Variants in HMGXB4 observed in about 807,000 individuals in gnomAD.
HMGXB4 encodes the protein HMG domain-containing protein 4.
Under a neutral mutation model 63.9 loss-of-function variants are expected in HMGXB4, and 27 were observed. That is an observed-to-expected ratio of 0.42 (90% CI 0.31 to 0.58). The LOEUF is 0.58. Among genes scored for constraint, HMGXB4 ranks in the 20% least tolerant of loss-of-function variants. The pLI, the probability that HMGXB4 is intolerant of heterozygous loss-of-function variation, is 0.13. For missense variants in HMGXB4, 624 were observed against 700.7 expected (o/e 0.89, Z 1.24); for synonymous variants, 264 against 265.3 (o/e 0.99, Z 0.05).
intron 7 of HMGXB4, among the ~76,000 whole-genome samples, chr22:35,286,726 C>T (rs569790883): frequency 1.1e-3 from 160 of 151,772 alleles, no homozygotes; most frequent in Non-Finnish European, 1.9e-3. Context: ...GGCGCATGCC[C>T]GTAATCCCAG....
intron 1 of HMGXB4, among the ~76,000 whole-genome samples, chr22:35,259,484 C>A (rs1601622048): frequency 6.6e-6 from 1 of 152,172 alleles, no homozygotes; most frequent in East Asian, 1.9e-4. Context: ...CTACTCTCTA[C>A]CCCTGAACTC....
At position 35,260,116 on chromosome 22, in the gene HMGXB4, G is replaced by C. The variant is rs146025280; in HGVS notation, c.-68-2207G>C. ...TTTGATGTTACCAAAGGGAAGGCCT[G>C]TTATAAGTCTCAGGACCAGCCTTTG... is the stretch of plus-strand genomic sequence containing the variant. On this transcript the variant is annotated intron_variant, in intron 1 of 10. Transcript: ENST00000216106. 3.2e-3 allele frequency among the ~76,000 whole-genome samples: 494 copies of C among 152,324 alleles called. 5 individuals are homozygous for C. Among genetic ancestry groups the C allele is most frequent in the African/African-American group, 0.011 (477 of 41,564 alleles).
chr22:35,292,836 A>G (rs928253827), intron 9 of HMGXB4, among the ~76,000 whole-genome samples, 156 bp from the exon 10 acceptor site: 8 of 152,272 alleles, frequency 5.3e-5, no homozygotes, highest in African/African-American at 1.9e-4. Flanking sequence ...CTTTCTAAAC[A>G]ACTTACAGAG....
At position 35,259,402 on chromosome 22, in the gene HMGXB4, T is replaced by C. The variant is rs546598144; in HGVS notation, c.-69+1845T>C. Among the ~76,000 whole-genome samples, 144 of 152,376 alleles carry C rather than the reference T, an allele frequency of 9.5e-4. 1 individual carries two copies. Among genetic ancestry groups the C allele is most frequent in the African/African-American group, 2.4e-3 (100 of 41,590 alleles). Reference sequence around the variant, plus strand: ...CACCTGTTTCACATTTGCCAACATTTAATGTAATTATGACCTCCCTTTTCT... The same window carrying C: ...CACCTGTTTCACATTTGCCAACATTCAATGTAATTATGACCTCCCTTTTCT... On this transcript the variant is annotated intron_variant, in intron 1 of 10. Coordinates refer to ENST00000216106, the MANE Select transcript of HMGXB4 (RefSeq NM_001003681.3).
chr22:35,248,386 CA>C, the HMGXB4 span, among the ~76,000 whole-genome samples: 1 of 141,020 alleles, frequency 7.1e-6, no homozygotes, highest in African/African-American at 2.6e-5. Context: ...GAGCAATGGG[CA>C]GGGGAGGTCG....
intron 5 of HMGXB4, among the ~76,000 whole-genome samples, chr22:35,268,474 C>T (rs1290031657): frequency 6.6e-6 from 1 of 152,082 alleles, no homozygotes; most frequent in Non-Finnish European, 1.5e-5. Flanking sequence ...TTCTACCGTG[C>T]AGTTAATCTC....
Position 35,294,186 on chromosome 22 carries a change from T to C in HMGXB4, c.*535T>C, listed in dbSNP as rs1474557. ...ATAAAATTTGTTCCCTTTATAGTTA[T>C]GGAAGTGGCTTAGGTGAATTGAGTA... On this transcript the variant is annotated 3_prime_UTR_variant, in exon 11 of 11. Transcript: ENST00000216106. The C allele has an allele frequency of 0.51, 76,997 of 152,056 alleles. 22,530 individuals are homozygous for C. Among genetic ancestry groups the C allele is most frequent in the Non-Finnish European group, 0.65 (44,121 of 67,834 alleles). The allele number at this position is 152,056 out of a possible 1,614,324, so 9.4% of individuals were successfully genotyped here. A position where few individuals can be genotyped will look rare whatever the true frequency, so the allele number is the denominator to read the frequency against.
chr22:35,269,310 A>G (rs894846589), intron 5 of HMGXB4, among the ~76,000 whole-genome samples: 2 of 152,192 alleles, frequency 1.3e-5, no homozygotes, highest in African/African-American at 4.8e-5. Context: ...CTTGGGAGGC[A>G]GAGGCTGCAG....
At chr22:35,262,449 C>T in intron 2 of HMGXB4, 28 bp downstream of exon 2, 1 of 1,606,058 alleles carries the variant, frequency 6.2e-7, no homozygotes, top group Non-Finnish European at 8.5e-7. Context: ...GAGAAGCATT[C>T]CAAAGGGGGT....
intron 6 of HMGXB4, 22 bp from the exon 7 acceptor site, chr22:35,285,971 TTGAG>T (rs1208469822): frequency 3.8e-6 from 6 of 1,563,800 alleles, no homozygotes; most frequent in Non-Finnish European, 5.2e-6. Flanking sequence ...CTTTACTGTA[TTGAG>T]TGTTTTACTC....
At position 35,295,001 on chromosome 22, in the gene HMGXB4, A is replaced by T. The variant is rs1017649395; in HGVS notation, c.*1350A>T. On this transcript the variant is annotated 3_prime_UTR_variant, in exon 11 of 11. Transcript: ENST00000216106. ...AATAAAGAGGAATGTTACCATCCCC[A>T]GCTGCCCTTATTTCCAGAGAACCAG... 1 of 152,366 alleles carries T rather than the reference A, an allele frequency of 6.6e-6. No homozygotes were observed. The highest frequency in any genetic ancestry group is 2.1e-4 in the South Asian group (1 of 4,824). The allele number at this position is 152,366 out of a possible 1,614,324, so 9.4% of individuals were successfully genotyped here.
chr22:35,280,296 C>A (rs1924167568), intron 5 of HMGXB4, among the ~76,000 whole-genome samples: 1 of 152,182 alleles, frequency 6.6e-6, no homozygotes, highest in Admixed American at 6.5e-5. Context: ...TGGAGTAATT[C>A]CCACCTTTGA....
At chr22:35,292,535 A>G (rs1601646869) in intron 9 of HMGXB4, among the ~76,000 whole-genome samples, 1 of 152,222 alleles carries the variant, frequency 6.6e-6, no homozygotes, top group Non-Finnish European at 1.5e-5. Flanking sequence ...AGAGTGAACA[A>G]CTCAACCTAG....
chr22:35,255,452 C>G (rs1278955853), upstream of HMGXB4, among the ~76,000 whole-genome samples: 2 of 152,188 alleles, frequency 1.3e-5, no homozygotes, highest in Admixed American at 1.3e-4. Flanking sequence ...GGGGTCGAAG[C>G]TGCAGTGAGC....
At chr22:35,247,175 T>C in the HMGXB4 span, among the ~76,000 whole-genome samples, 3 of 152,322 alleles carry the variant, frequency 2.0e-5, no homozygotes, top group Middle Eastern at 6.8e-3. Context: ...TAGACTGTCT[T>C]GAGCTTTGTT....
At chr22:35,277,100 A>G (rs959129749) in intron 5 of HMGXB4, among the ~76,000 whole-genome samples, 3 of 109,778 alleles carry the variant, frequency 2.7e-5, no homozygotes, top group Non-Finnish European at 6.0e-5. Flanking sequence ...CTTCTGGAGG[A>G]CTCAACTCGG....
At chr22:35,249,011 C>T in the HMGXB4 span, among the ~76,000 whole-genome samples, 1 of 152,110 alleles carries the variant, frequency 6.6e-6, no homozygotes, top group Non-Finnish European at 1.5e-5. Flanking sequence ...CTAATGTAGA[C>T]TTTATAAACA....
At chr22:35,257,758 CAGA>C (rs984408202) in intron 1 of HMGXB4, among the ~76,000 whole-genome samples, 7 of 152,254 alleles carry the variant, frequency 4.6e-5, no homozygotes, top group African/African-American at 1.4e-4. Context: ...CTGGAGCGGG[CAGA>C]AGGAGGAGGG....
the HMGXB4 span, among the ~76,000 whole-genome samples, chr22:35,241,867 G>C: frequency 6.6e-6 from 1 of 152,160 alleles, no homozygotes; most frequent in East Asian, 1.9e-4. Flanking sequence ...AGTCGACCTG[G>C]GGCTAAAATT....
Sources: gnomAD v4.1 joint callset for allele counts (sites outside exome capture counted in the v4.1 genomes callset) on GRCh38, gnomAD v4.1.1 for gene constraint, MANE v1.5 for transcripts, NCBI Gene and HGNC (gene_info 2026-07-23, HGNC 2026-07-21) for gene names.